AGL: variants seen among roughly 807,000 people sequenced by gnomAD.
The protein encoded by AGL is amylo-alpha-1,6-glucosidase and 4-alpha-glucanotransferase, also known as glycogen debranching enzyme.
Under a neutral mutation model 199.3 loss-of-function variants are expected in AGL, and 128 were observed. The ratio of observed to expected loss-of-function variants is 0.64; its 90% confidence interval spans 0.56 to 0.74. AGL has a LOEUF of 0.74. Among genes scored for constraint, AGL ranks in the 30% least tolerant of loss-of-function variants. AGL has a pLI of 0.00. For missense variants in AGL, 1,809 were observed against 1,820.8 expected, an observed-to-expected ratio of 0.99 and a Z score of 0.12; for synonymous variants, 584 against 594.7, an observed-to-expected ratio of 0.98 and a Z score of 0.26.
At position 99,916,753 on chromosome 1, in the gene AGL, AT is replaced by A. The variant is rs747054971; in HGVS notation, c.4481+25del. The stretch of plus-strand genomic sequence containing the variant: ...AGAGGTAAGTCATCAGGAGCATGTA[AT>A]TTCCATAACTAGTGTTTAGTCAGTT... On this transcript the variant is annotated intron_variant, in intron 33 of 33. Coordinates refer to ENST00000361915, the MANE Select transcript of AGL (RefSeq NM_000642.3). The A allele has an allele frequency of 6.8e-6, 11 of 1,609,786 alleles. No individual in the cohort carries two copies. In the East Asian group the frequency reaches 2.5e-4, roughly 36 times the overall value.
chr1:99,870,867 A>G lies in AGL; in HGVS notation c.956A>G (p.Gln319Arg). Residue 319 changes from glutamine to arginine, a missense_variant and splice_region_variant, in exon 7 of 34, where the codon CAA (glutamine) becomes CGA (arginine). Physicochemically the swap from Gln to Arg is conservative, Grantham distance 43. Coordinates refer to ENST00000361915, the MANE Select transcript of AGL (RefSeq NM_000642.3). ...GAGCAATTTAGAAGACTTCTTACAC[A>G]AGGTAAAGGATACATACTAGAATGT... The part of the protein sequence containing the change: ...AVEQFRRLLT[Q>R]ENRRVTKSDP... 1 of 1,548,280 alleles carries G rather than the reference A, an allele frequency of 6.5e-7. No individual in the cohort carries two copies. Among genetic ancestry groups the G allele is most frequent in the Non-Finnish European group, 8.9e-7 (1 of 1,120,744 alleles).
intron 2 of AGL, chr1:99,852,646 G>C (rs369028135): frequency 1.4e-5 from 11 of 766,348 alleles, no homozygotes; most frequent in Non-Finnish European, 2.4e-5. Flanking sequence ...AAAGTACTGG[G>C]ATTACAAGCA....
intron 3 of AGL, 42 bp from the exon 4 acceptor site, chr1:99,862,214 TC>T: frequency 6.3e-7 from 1 of 1,593,394 alleles, no homozygotes; most frequent in Non-Finnish European, 8.6e-7. Flanking sequence ...GGATTTTTTT[TC>T]TATCACTGAC....
At chr1:99,918,524 A>AT (rs1557795985) in intron 33 of AGL, among the ~76,000 whole-genome samples, 4 of 151,990 alleles carry the variant, frequency 2.6e-5, no homozygotes, top group African/African-American at 9.7e-5. Flanking sequence ...GGGTCTTGCT[A>AT]TCTTGCCCAG....
At chr1:99,909,076 A>AG (rs1454240072) in intron 27 of AGL, among the ~76,000 whole-genome samples, 5 of 151,962 alleles carry the variant, frequency 3.3e-5, no homozygotes, top group Non-Finnish European at 7.4e-5. Context: ...TGGGAGTGTG[A>AG]GGGGCACCCC....
At chr1:99,851,508 CTG>C (rs1360337808) in intron 2 of AGL, among the ~76,000 whole-genome samples, 2 of 152,144 alleles carry the variant, frequency 1.3e-5, no homozygotes, top group African/African-American at 2.4e-5. Context: ...CTTTGTATAA[CTG>C]TCTCTTTTCC....
intron 2 of AGL, among the ~76,000 whole-genome samples, chr1:99,851,640 C>A (rs1456350893): frequency 1.3e-5 from 2 of 151,932 alleles, no homozygotes; most frequent in African/African-American, 4.8e-5. Flanking sequence ...ATTTTCTTAG[C>A]AAATAAAAAG....
chr1:99,891,409 T>C (rs1652890969), intron 22 of AGL, 53 bp downstream of exon 22: 4 of 1,586,856 alleles, frequency 2.5e-6, no homozygotes, highest in Non-Finnish European at 3.5e-6. Context: ...ATAATAAATA[T>C]TACCATGTTA....
rs1367345921 is a variant in AGL, at chr1:99,891,916, ACTTGAATAT to A, written c.3083+178_3083+186del. Among the ~76,000 whole-genome samples, 3 of 152,160 alleles carry A rather than the reference ACTTGAATAT, an allele frequency of 2.0e-5. No individual in the cohort carries two copies. In the East Asian group the frequency reaches 5.8e-4, roughly 29 times the overall value. ...TAGTCTGTGTAGCATACAAAAACAA[ACTTGAATAT>A]TATAAAATCTGTTCTAAAAGCTAAT... is the stretch of plus-strand genomic sequence containing the variant. On this transcript the variant is annotated intron_variant, in intron 23 of 33. Coordinates refer to ENST00000361915, the MANE Select transcript of AGL (RefSeq NM_000642.3).
In AGL at chr1:99,865,459, T is replaced by C. The variant is rs1290055613; in HGVS notation, c.664+870T>C. 2.0e-5 allele frequency among the ~76,000 whole-genome samples: 3 copies of C among 152,374 alleles called. No individual in the cohort carries two copies. In the East Asian group the frequency reaches 5.8e-4, roughly 29 times the overall value. On this transcript the variant is annotated intron_variant, in intron 5 of 33. Transcript: ENST00000361915. ...ATTAAATTTAGTCTGTTTTGGTTCCTAAGATTCCTTAGTGGTATATAATTC... is the reference window on the plus strand; with the variant it reads ...ATTAAATTTAGTCTGTTTTGGTTCCCAAGATTCCTTAGTGGTATATAATTC...
intron 4 of AGL, among the ~76,000 whole-genome samples, chr1:99,863,768 T>TC: frequency 6.8e-6 from 1 of 147,978 alleles, no homozygotes; most frequent in South Asian, 2.2e-4. Context: ...TTTTTTTTTT[T>TC]AAGACAGTGT....
At chr1:99,902,084 CAT>C (rs1482400233) in intron 26 of AGL, among the ~76,000 whole-genome samples, 3 of 151,994 alleles carry the variant, frequency 2.0e-5, no homozygotes, top group African/African-American at 7.3e-5. Context: ...ACATAATAAA[CAT>C]GTAAGGACTC....
rs1445013968 is a variant in AGL at position 99,891,792 on chromosome 1, C to T, written c.3083+53C>T. The stretch of plus-strand genomic sequence containing the variant: ...GGCATATCTGTGTTGAAACTATATA[C>T]AGAGTCACTTCATACATGTTCTTAA... On this transcript the variant is annotated intron_variant, in intron 23 of 33. Transcript: ENST00000361915. 3.1e-6 allele frequency: 5 copies of T among 1,601,044 alleles called. 1 individual carries two copies. In the South Asian group the frequency reaches 5.5e-5, roughly 18 times the overall value.
At chr1:99,914,707 C>T (rs72970922) in intron 30 of AGL, among the ~76,000 whole-genome samples, 230 of 152,216 alleles carry the variant, frequency 1.5e-3, no homozygotes, top group African/African-American at 5.2e-3. Context: ...TTTATGGCCC[C>T]AGAAGCAAAC....
intron 13 of AGL, 109 bp downstream of exon 13, chr1:99,880,155 A>T: frequency 6.9e-7 from 1 of 1,456,726 alleles, no homozygotes; most frequent in East Asian, 2.3e-5. Context: ...AACACAGTTA[A>T]TGTTCTTCTA....
At position 99,892,587 on chromosome 1, in the gene AGL, G is replaced by C; in HGVS notation, c.3239G>C (p.Cys1080Ser). 5 of 1,613,456 alleles carry C rather than the reference G, an allele frequency of 3.1e-6. No individual in the cohort carries two copies. Among genetic ancestry groups the C allele is most frequent in the Non-Finnish European group, 4.2e-6 (5 of 1,179,596 alleles). ...LNEITKEKEQ[C>S]CVSLAAGLPH... Reference sequence around the variant, plus strand: ...GAGATCACAAAAGAAAAGGAGCAATGTTGTGTTTCTCTAGCTGCAGGTAAG... The same window carrying C: ...GAGATCACAAAAGAAAAGGAGCAATCTTGTGTTTCTCTAGCTGCAGGTAAG... The change falls in exon 24 of 34, where the codon TGT becomes TCT. Residue 1080 changes from cysteine to serine, a missense_variant. Cys to Ser is a moderately radical substitution (Grantham distance 112, BLOSUM62 -1). Transcript: ENST00000361915.
chr1:99,916,828 C>A, intron 33 of AGL, 97 bp downstream of exon 33: 2 of 1,273,238 alleles, frequency 1.6e-6, no homozygotes, highest in Non-Finnish European at 2.2e-6. Flanking sequence ...TTTCTGTATG[C>A]CCTAGGTATC....
At chr1:99,850,937 A>G in intron 1 of AGL, 38 bp from the exon 2 acceptor site, 1 of 941,964 alleles carries the variant, frequency 1.1e-6, no homozygotes. Context: ...TTAAGGCAAT[A>G]GTTATTTTCG....
chr1:99,858,112 C>T (rs756376693), intron 2 of AGL, among the ~76,000 whole-genome samples: 22 of 152,086 alleles, frequency 1.4e-4, no homozygotes, highest in Non-Finnish European at 2.5e-4. Flanking sequence ...AGTAGCTTTA[C>T]GGGTTATATT....
Sources: gnomAD v4.1 joint callset for allele counts (sites outside exome capture counted in the v4.1 genomes callset) on GRCh38, gnomAD v4.1.1 for gene constraint, MANE v1.5 for transcripts, NCBI Gene and HGNC (gene_info 2026-07-23, HGNC 2026-07-21) for gene names.